Variants in DEDD2 observed in about 807,000 individuals in gnomAD.
DEDD2 encodes death effector domain containing 2, also known as DNA-binding death effector domain-containing protein 2.
Under a neutral mutation model 28.9 loss-of-function variants are expected in DEDD2, and 18 were observed. The ratio of observed to expected loss-of-function variants is 0.62; its 90% CI spans 0.43 to 0.92. The LOEUF (loss-of-function observed/expected upper bound fraction) is 0.92. Among genes scored for constraint, DEDD2 ranks in the 40% least tolerant of loss-of-function variants. DEDD2 has a pLI of 0.00. For missense variants in DEDD2, 411 were observed against 463.3 expected (o/e 0.89, Z 1.04); for synonymous variants, 211 against 206.1 (o/e 1.02, Z -0.20).
chr19:42,216,924 A>T lies in DEDD2; in HGVS notation c.84T>A (p.Arg28=). 1 of 1,600,992 alleles carries T rather than the reference A, an allele frequency of 6.2e-7. No individual in the cohort carries two copies. Among genetic ancestry groups the T allele is most frequent in the East Asian group, 2.3e-5 (1 of 43,880 alleles). Residue 28 remains arginine (R), a synonymous_variant, in exon 2 of 5, where the codon CGT becomes CGA. Transcript: ENST00000596251. ...GTTGCCCGCCCACCACCTCGAACATACGGTGAAGCGACAGCATCCCGTAGT... is the reference window on the plus strand; with the variant it reads ...GTTGCCCGCCCACCACCTCGAACATTCGGTGAAGCGACAGCATCCCGTAGT... ...LDYYGMLSLH[R]MFEVVGGQLT... is the part of the protein sequence containing the mutation.
In DEDD2 at chr19:42,199,762, G is replaced by A. The variant is rs772095964; in HGVS notation, c.657C>T (p.Ser219=). 2 of 1,611,498 alleles carry A rather than the reference G, an allele frequency of 1.2e-6. No individual in the cohort carries two copies. The highest frequency in any genetic ancestry group is 1.7e-5 in the Admixed American group (1 of 59,640). ...HGPALEQGVA[S]RRPQALARQL... ...GCCGCGCCAGCGCCTGGGGCCGCCGGGATGCCACGCCCTGCTCCAAGGCTG... is the reference window on the plus strand; with the variant it reads ...GCCGCGCCAGCGCCTGGGGCCGCCGAGATGCCACGCCCTGCTCCAAGGCTG... Residue 219 remains serine, a synonymous_variant, in exon 5 of 5, where the codon TCC becomes TCT. Coordinates refer to ENST00000596251, the MANE Select transcript of DEDD2 (RefSeq NM_133328.4). This position sits in a 1 kb window ranked among gnomAD's most constrained non-coding sequence, Gnocchi z 7.4.
At chr19:42,205,627 C>CA (rs996062628) in intron 4 of DEDD2, among the ~76,000 whole-genome samples, 3,902 of 143,852 alleles carry the variant, frequency 0.027, 174 homozygotes, top group African/African-American at 0.093. Flanking sequence ...AACTCCATCT[C>CA]AAAAAAAAAA....
chr19:42,205,951 G>A (rs2035516051), intron 4 of DEDD2, among the ~76,000 whole-genome samples: 1 of 152,006 alleles, frequency 6.6e-6, no homozygotes, highest in African/African-American at 2.4e-5. Context: ...CAGGCATGCT[G>A]GATCACGCTT....
chr19:42,217,064 G>T lies in DEDD2; in HGVS notation c.-38-19C>A. ...ACCCGGCCTAGAACCCACACAGCGG[G>T]GAGGGGGCAGTGGTCAGCGACGCGG... is the stretch of plus-strand genomic sequence containing the variant. On this transcript the variant is annotated intron_variant, in intron 1 of 4. Coordinates refer to ENST00000596251, the MANE Select transcript of DEDD2 (RefSeq NM_133328.4). 2.6e-6 allele frequency: 4 copies of T among 1,509,908 alleles called. No homozygotes were observed. Among genetic ancestry groups the T allele is most frequent in the Non-Finnish European group, 3.6e-6 (4 of 1,112,190 alleles). 93.5% of individuals were successfully genotyped at this position (1,509,908 alleles called of 1,614,324 possible).
chr19:42,217,078 T>A, intron 1 of DEDD2, 33 bp from the exon 2 acceptor site: 1 of 1,468,992 alleles, frequency 6.8e-7, no homozygotes, highest in Non-Finnish European at 9.3e-7. Flanking sequence ...GGGGCAGTGG[T>A]CAGCGACGCG....
intron 3 of DEDD2, among the ~76,000 whole-genome samples, chr19:42,213,044 A>G (rs949962428): frequency 6.6e-6 from 1 of 152,204 alleles, no homozygotes; most frequent in Non-Finnish European, 1.5e-5. Context: ...AAAACAGCTG[A>G]TTCTAGGGTG....
upstream of DEDD2, among the ~76,000 whole-genome samples, chr19:42,218,230 G>A (rs1228568480): frequency 2.1e-5 from 3 of 140,800 alleles, no homozygotes; most frequent in East Asian, 6.2e-4. Context: ...TGGAAATCCC[G>A]CCCCCCCACC....
chr19:42,201,870 G>A (rs2035344339), intron 4 of DEDD2: 6 of 396,868 alleles, frequency 1.5e-5, no homozygotes, highest in South Asian at 1.4e-4. Flanking sequence ...TAAGCAACTG[G>A]CCATGACCTC....
In DEDD2 at chr19:42,217,102, C is replaced by T. The variant is rs2036009675; in HGVS notation, c.-38-57G>A. 3.8e-6 allele frequency: 5 copies of T among 1,313,460 alleles called. No individual in the cohort carries two copies. The Admixed American group carries it at 6.4e-5, about 17-fold the overall frequency. 81.4% of individuals were successfully genotyped at this position (1,313,460 alleles called of 1,614,324 possible). ...GTCAGCGACGCGGAGGCCCGAACCC[C>T]ACACCGCCAGCGCGTCTCCCCCGCC... On this transcript the variant is annotated intron_variant, in intron 1 of 4. Transcript: ENST00000596251.
rs753962035 is a variant in DEDD2, at chr19:42,216,807, C to G, written c.201G>C (p.Glu67Asp). The change falls in exon 2 of 5, where the codon GAG (glutamate) becomes GAC (aspartate). Residue 67 changes from glutamate to aspartate, a missense_variant. Transcript: ENST00000596251. ...GGLARARSGL[E>D]LLLELERRGQ... ...CGCGGCGCTCCAGCTCCAGCAGGAG[C>G]TCTAGGCCGCTGCGGGCCCGGGCTA... The G allele has an allele frequency of 1.3e-6, 2 of 1,582,732 alleles. No homozygotes were observed. The highest frequency in any genetic ancestry group is 1.7e-6 in the Non-Finnish European group (2 of 1,164,886).
At chr19:42,201,450 G>C (rs1185904739) in intron 4 of DEDD2, among the ~76,000 whole-genome samples, 1 of 152,242 alleles carries the variant, frequency 6.6e-6, no homozygotes, top group Non-Finnish European at 1.5e-5. Flanking sequence ...GGTGCTCCCA[G>C]AATGGCAGCC....
chr19:42,215,002 C>T, intron 3 of DEDD2, 131 bp downstream of exon 3: 1 of 106,010 alleles, frequency 9.4e-6, no homozygotes, highest in Non-Finnish European at 1.3e-5. Context: ...TAGCAATAAA[C>T]ACACACACAC....
rs756717788 is a variant in DEDD2, at chr19:42,216,985, G to A, written c.23C>T (p.Pro8Leu). 7.5e-6 allele frequency: 12 copies of A among 1,595,038 alleles called. No individual in the cohort carries two copies. Among genetic ancestry groups the A allele is most frequent in the Non-Finnish European group, 1.0e-5 (12 of 1,171,438 alleles). MALSGSTPAPCWEEDECL... is the reference protein window; with the variant it reads MALSGSTLAPCWEEDECL... ...CTCATCCTCCTCCCAGCACGGGGCC[G>A]GGGTCGACCCGGATAGCGCCATTCC... Residue 8 changes from proline to leucine, a missense_variant, in exon 2 of 5, where the codon CCG (proline) becomes CTG (leucine). This residue lies in a region of DEDD2 where 282 missense variants were observed against 273.4 expected (regional missense o/e 1.03). Transcript: ENST00000596251.
chr19:42,205,881 C>T (rs940469363), intron 4 of DEDD2, among the ~76,000 whole-genome samples: 2 of 151,490 alleles, frequency 1.3e-5, no homozygotes, highest in African/African-American at 2.4e-5. Context: ...CTCAGGAGTT[C>T]GAGACCAGCC....
chr19:42,205,197 A>G (rs1183112999), intron 4 of DEDD2, among the ~76,000 whole-genome samples: 4 of 152,230 alleles, frequency 2.6e-5, no homozygotes, highest in Non-Finnish European at 5.9e-5. Flanking sequence ...AGAAAAATAC[A>G]ACGCAAGGCG....
chr19:42,199,136 G>C lies in DEDD2; in HGVS notation c.*302C>G. Reference sequence around the variant, plus strand: ...AGATCAGAGATACAATGTGCAGGGGGGCCTTTGGTGAGTGTGTAGCTGTGC... The same window carrying C: ...AGATCAGAGATACAATGTGCAGGGGCGCCTTTGGTGAGTGTGTAGCTGTGC... On this transcript the variant is annotated 3_prime_UTR_variant, in exon 5 of 5. Transcript: ENST00000596251. This position sits in a 1 kb window ranked among gnomAD's most constrained non-coding sequence, Gnocchi z 7.4. 1 of 432,562 alleles carries C rather than the reference G, an allele frequency of 2.3e-6. No homozygotes were observed. The highest frequency in any genetic ancestry group is 4.2e-6 in the Non-Finnish European group (1 of 238,888). The allele number at this position is 432,562 out of a possible 1,614,324, so 26.8% of individuals were successfully genotyped here.
At chr19:42,216,602 A>C in intron 2 of DEDD2, 78 bp downstream of exon 2, 1 of 1,403,900 alleles carries the variant, frequency 7.1e-7, no homozygotes, top group Non-Finnish European at 9.4e-7. Flanking sequence ...CACTGTCCGT[A>C]TCAGGGCACC....
At chr19:42,219,471 G>A (rs956041155), upstream of DEDD2, among the ~76,000 whole-genome samples, 1 of 151,822 alleles carries the variant, frequency 6.6e-6, no homozygotes, top group African/African-American at 2.4e-5. Context: ...GCGTGGTGGT[G>A]GACACCTGTA....
At position 42,209,796 on chromosome 19, in the gene DEDD2, T is replaced by C; in HGVS notation, c.493A>G (p.Ser165Gly). Residue 165 changes from serine (S) to glycine (G), a missense_variant, in exon 4 of 5, where the codon AGT becomes GGT. Physicochemically the swap from Ser to Gly is moderately conservative, Grantham distance 56. Around this residue, in one of 2 missense-constraint regions of DEDD2, gnomAD observed 282 missense variants for 273.4 expected, o/e 1.03. Coordinates refer to ENST00000596251, the MANE Select transcript of DEDD2 (RefSeq NM_133328.4). ...CTCCGCCGCCGTCTGGCACCACCAC[T>C]GGGCCGGCCCCGACTCCGCCGCTGC... ...KRQRRSRGRP[S>G]GGARRRRRGA... 1.3e-6 allele frequency: 2 copies of C among 1,580,748 alleles called. No individual in the cohort carries two copies. The highest frequency in any genetic ancestry group is 1.7e-6 in the Non-Finnish European group (2 of 1,165,264).
Sources: gnomAD v4.1 joint callset for allele counts (sites outside exome capture counted in the v4.1 genomes callset) on GRCh38, gnomAD v4.1.1 for gene constraint, gnomAD v4.1.1 regional missense constraint, Gnocchi (gnomAD v3.1) non-coding constraint, MANE v1.5 for transcripts, NCBI Gene and HGNC (gene_info 2026-07-23, HGNC 2026-07-21) for gene names.